Variants in ERO1A observed in about 807,000 individuals in gnomAD.
ERO1A encodes endoplasmic reticulum oxidoreductase 1 alpha, also known as ERO1-like protein alpha.
ERO1A carries 49 observed loss-of-function variants against 76.9 expected under a neutral mutation model. The observed-to-expected ratio is 0.64, with a 90% CI of 0.51 to 0.81. ERO1A has a LOEUF of 0.81. Among genes scored for constraint, ERO1A ranks in the 30% least tolerant of loss-of-function variants. The pLI is 0.00. For synonymous variants in ERO1A, 174 were observed against 181.2 expected, an observed-to-expected ratio of 0.96 and a Z score of 0.32; for missense variants, 448 against 542.1, an observed-to-expected ratio of 0.83 and a Z score of 1.72.
intron 4 of ERO1A, among the ~76,000 whole-genome samples, chr14:52,676,992 A>G (rs925345700): frequency 2.0e-5 from 3 of 152,142 alleles, no homozygotes; most frequent in African/African-American, 7.2e-5. Flanking sequence ...ATCAGAAAGG[A>G]TGTCAGGACA....
At position 52,653,074 on chromosome 14, in the gene ERO1A, T is replaced by A. The variant is rs755960363; in HGVS notation, c.1050A>T (p.Glu350Asp). 6.7e-7 allele frequency: 1 copy of A among 1,495,782 alleles called. No homozygotes were observed. The allele number at this position is 1,495,782 out of a possible 1,614,324, so 92.7% of individuals were successfully genotyped here. A position where few individuals can be genotyped will look rare whatever the true frequency, so the allele number is the denominator to read the frequency against. ...AAGTTTAATATATAATTTACTTGAT[T>A]TCATGAAGTATTTCCAGAAGTAACA... ...NKMLLLEILH[E>D]IKSFPLHFDE... The change falls in exon 12 of 16, where the codon GAA becomes GAT. Residue 350 changes from glutamate to aspartate, a missense_variant. Physicochemically the swap from Glu to Asp is conservative, Grantham distance 45. This residue lies in a region of ERO1A where 302 missense variants were observed against 411.9 expected (regional missense o/e 0.73). Coordinates refer to ENST00000395686, the MANE Select transcript of ERO1A (RefSeq NM_014584.3).
intron 13 of ERO1A, among the ~76,000 whole-genome samples, chr14:52,649,218 A>G (rs953311554): frequency 6.6e-6 from 1 of 152,196 alleles, no homozygotes; most frequent in African/African-American, 2.4e-5. Context: ...CAACTGACCA[A>G]TTCTTGCCCA....
chr14:52,666,231 A>G (rs1018676275), intron 7 of ERO1A, 144 bp downstream of exon 7: 10 of 656,754 alleles, frequency 1.5e-5, no homozygotes, highest in Non-Finnish European at 1.8e-5. Context: ...AGGAAACTGG[A>G]TTAATGAATA....
At chr14:52,687,363 G>A (rs577256348) in intron 1 of ERO1A, among the ~76,000 whole-genome samples, 14 of 152,276 alleles carry the variant, frequency 9.2e-5, no homozygotes, top group Admixed American at 2.6e-4. Flanking sequence ...CTGGGAAGTC[G>A]AAGCTGTGGT....
chr14:52,669,580 C>A (rs2040528757), intron 6 of ERO1A, among the ~76,000 whole-genome samples: 1 of 152,116 alleles, frequency 6.6e-6, no homozygotes, highest in South Asian at 2.1e-4. Context: ...AAAGGTAATA[C>A]AGTACATGCA....
intron 11 of ERO1A, 58 bp from the exon 12 acceptor site, chr14:52,653,373 T>C (rs564788853): frequency 7.3e-7 from 1 of 1,377,002 alleles, no homozygotes; most frequent in South Asian, 1.5e-5. Context: ...TTACTTTAAT[T>C]ATATTAGGTT....
At chr14:52,691,293 T>G (rs1373189814) in intron 1 of ERO1A, among the ~76,000 whole-genome samples, 2 of 152,242 alleles carry the variant, frequency 1.3e-5, no homozygotes, top group African/African-American at 4.8e-5. Flanking sequence ...CACCAGGTAG[T>G]AGGCACCATC....
At chr14:52,647,294 C>G (rs576884773) in intron 13 of ERO1A, among the ~76,000 whole-genome samples, 1 of 151,284 alleles carries the variant, frequency 6.6e-6, no homozygotes, top group African/African-American at 2.4e-5. Context: ...GCCACTGTGC[C>G]CAGCCCTTTG....
chr14:52,645,243 G>A (rs1357320662), intron 15 of ERO1A, among the ~76,000 whole-genome samples: 1 of 149,668 alleles, frequency 6.7e-6, no homozygotes, highest in Non-Finnish European at 1.5e-5. Flanking sequence ...AATTCGATAA[G>A]ATGAATATTA....
chr14:52,686,613 C>G (rs1205660035), intron 1 of ERO1A, among the ~76,000 whole-genome samples: 4 of 152,176 alleles, frequency 2.6e-5, no homozygotes, highest in African/African-American at 9.7e-5. Context: ...CACAGTGGCT[C>G]ACGCCTGTAA....
intron 11 of ERO1A, among the ~76,000 whole-genome samples, chr14:52,657,577 G>A (rs112705648): frequency 2.6e-5 from 4 of 152,160 alleles, no homozygotes; most frequent in African/African-American, 9.7e-5. Flanking sequence ...CCTGATACGA[G>A]CACACAAATA....
Position 52,640,367 on chromosome 14 carries a change from T to C in ERO1A, c.*3203A>G, listed in dbSNP as rs7647. ...TCCAAGTGGGGAAGGATGACTAGCA[T>C]ACTTGATGCAAAGAGTACAGCATTT... On this transcript the variant is annotated 3_prime_UTR_variant, in exon 16 of 16. Transcript: ENST00000395686. 0.95 allele frequency: 144,515 copies of C among 152,372 alleles called. 68,604 individuals carry two copies. The highest frequency in any genetic ancestry group is 1 in the East Asian group (5,177 of 5,180). The allele number at this position is 152,372 out of a possible 1,614,324, so 9.4% of individuals were successfully genotyped here.
chr14:52,658,112 G>T lies in ERO1A; in HGVS notation c.715+12C>A. ...AACCATCATTGAAATTTATTTTAAAGTTTCTAATTACCTTCTAGCCAACTG... is the reference window on the plus strand; with the variant it reads ...AACCATCATTGAAATTTATTTTAAATTTTCTAATTACCTTCTAGCCAACTG... On this transcript the variant is annotated intron_variant, in intron 10 of 15. Transcript: ENST00000395686. 6.6e-7 allele frequency: 1 copy of T among 1,506,430 alleles called. No homozygotes were observed. The highest frequency in any genetic ancestry group is 9.1e-7 in the Non-Finnish European group (1 of 1,093,068). The allele number at this position is 1,506,430 out of a possible 1,614,324, so 93.3% of individuals were successfully genotyped here.
chr14:52,646,132 A>T (rs773346244), intron 15 of ERO1A, 22 bp downstream of exon 15: 7 of 1,593,368 alleles, frequency 4.4e-6, no homozygotes, highest in Non-Finnish European at 6.0e-6. Context: ...TACCAGAAGC[A>T]TTTCAGTACA....
chr14:52,695,278 AC>A, intron 1 of ERO1A, 89 bp downstream of exon 1: 1 of 854,232 alleles, frequency 1.2e-6, no homozygotes, highest in Non-Finnish European at 1.6e-6. Flanking sequence ...GCAAGGACGC[AC>A]CCCCAGCCGC....
intron 9 of ERO1A, among the ~76,000 whole-genome samples, chr14:52,659,833 T>TA (rs11463869): frequency 0.13 from 17,783 of 137,576 alleles, 1,226 homozygotes; most frequent in East Asian, 0.34. Context: ...GTGTCCTTTT[T>TA]AAAAAAAAAA....
At chr14:52,646,030 C>T (rs1037191776) in intron 15 of ERO1A, 124 bp downstream of exon 15, 16 of 1,134,564 alleles carry the variant, frequency 1.4e-5, no homozygotes, top group Non-Finnish European at 1.8e-5. Context: ...ACCAAAACTC[C>T]GTCTCAAAAA....
At chr14:52,673,829 C>T (rs990315042) in intron 4 of ERO1A, among the ~76,000 whole-genome samples, 4 of 152,094 alleles carry the variant, frequency 2.6e-5, no homozygotes, top group African/African-American at 9.7e-5. Flanking sequence ...TCTCTACCTC[C>T]AGGACTCAAG....
intron 15 of ERO1A, among the ~76,000 whole-genome samples, chr14:52,644,950 T>TA (rs1423556090): frequency 6.6e-6 from 1 of 152,198 alleles, no homozygotes; most frequent in African/African-American, 2.4e-5. Flanking sequence ...TGTAGTCCTT[T>TA]AAAAAATGTT....
Sources: allele counts gnomAD v4.1 joint callset (sites outside exome capture counted in the v4.1 genomes callset), GRCh38; gene constraint gnomAD v4.1.1; regional missense constraint gnomAD v4.1.1; transcripts MANE v1.5; gene names NCBI Gene and HGNC (gene_info 2026-07-23, HGNC 2026-07-21).